Variants in LEKR1 observed in about 807,000 individuals in gnomAD.
LEKR1 encodes leucine, glutamate and lysine rich 1.
LEKR1 carries 59 observed loss-of-function variants against 72.4 expected under a neutral mutation model. The ratio of observed to expected loss-of-function variants is 0.82; its 90% CI spans 0.66 to 1.01. The LOEUF (loss-of-function observed/expected upper bound fraction) is 1.01. Among genes scored for constraint, LEKR1 ranks in the 50% least tolerant of loss-of-function variants. The pLI, the probability that LEKR1 is intolerant of heterozygous loss-of-function variation, is 0.00. For synonymous variants in LEKR1, 257 were observed against 263.2 expected (o/e 0.98, Z 0.23); for missense variants, 728 against 759.2 (o/e 0.96, Z 0.48).
At position 156,833,087 on chromosome 3, in the gene LEKR1, C is replaced by T. The variant is rs376839618; in HGVS notation, c.48+3710C>T. Among the ~76,000 whole-genome samples the T allele has an allele frequency of 2.4e-4, 37 of 152,236 alleles. No homozygotes were observed. The South Asian group carries it at 7.5e-3, about 31-fold the overall frequency. On this transcript the variant is annotated intron_variant, in intron 2 of 12. Transcript: ENST00000356539. The stretch of plus-strand genomic sequence containing the variant: ...TTCAATTGTTAAAAGCTATAAACAG[C>T]TCAAAAGGAAAGTTGTTATGTGTTT...
chr3:156,979,916 A>T (rs539561586), intron 7 of LEKR1: 1 of 152,362 alleles, frequency 6.6e-6, no homozygotes, highest in South Asian at 2.1e-4. Flanking sequence ...CGGGAGGCTG[A>T]ACTGGGAAGA....
At chr3:157,032,161 T>C (rs1004129213) in intron 12 of LEKR1, among the ~76,000 whole-genome samples, 1 of 152,160 alleles carries the variant, frequency 6.6e-6, no homozygotes, top group Non-Finnish European at 1.5e-5. Flanking sequence ...GGTCATGTGC[T>C]TCTTGATGCC....
At chr3:156,951,340 G>T (rs973398163) in intron 6 of LEKR1, among the ~76,000 whole-genome samples, 2 of 151,488 alleles carry the variant, frequency 1.3e-5, no homozygotes, top group African/African-American at 4.8e-5. Flanking sequence ...GTGTGTCTCT[G>T]CCAGGTCTTG....
At chr3:156,884,838 G>A (rs749010425) in intron 3 of LEKR1, among the ~76,000 whole-genome samples, 3 of 152,166 alleles carry the variant, frequency 2.0e-5, no homozygotes, top group Non-Finnish European at 4.4e-5. Flanking sequence ...TAGCAAGGCT[G>A]TGGAAGTTTT....
intron 3 of LEKR1, among the ~76,000 whole-genome samples, chr3:156,903,604 G>A (rs6792917): frequency 0.34 from 50,975 of 151,998 alleles, 11,183 homozygotes; most frequent in African/African-American, 0.62. Context: ...GGAAGGGCCT[G>A]TGTAGCTAGA....
chr3:156,888,433 C>A, intron 3 of LEKR1: 1 of 687,998 alleles, frequency 1.5e-6, no homozygotes, highest in African/African-American at 1.8e-5. Context: ...TTCTTAATAA[C>A]TTTGTTTTTG....
chr3:156,882,066 A>G (rs1473413683), intron 3 of LEKR1, among the ~76,000 whole-genome samples: 6 of 140,092 alleles, frequency 4.3e-5, no homozygotes, highest in Admixed American at 1.4e-4. Flanking sequence ...AAACCTAGGC[A>G]TTACCATTCA....
At chr3:156,869,402 G>A (rs559563069) in intron 3 of LEKR1, among the ~76,000 whole-genome samples, 1 of 152,050 alleles carries the variant, frequency 6.6e-6, no homozygotes, top group African/African-American at 2.4e-5. Flanking sequence ...GTTCTAACTG[G>A]GGTAAGATGA....
intron 6 of LEKR1, among the ~76,000 whole-genome samples, chr3:156,967,484 G>A (rs1180409804): frequency 6.6e-6 from 1 of 152,212 alleles, no homozygotes; most frequent in Admixed American, 6.5e-5. Context: ...GAATGCACAA[G>A]CCTCATTAGC....
chr3:156,850,613 G>A (rs1358522339), intron 2 of LEKR1, among the ~76,000 whole-genome samples: 1 of 152,192 alleles, frequency 6.6e-6, no homozygotes, highest in African/African-American at 2.4e-5. Flanking sequence ...TGTATCTTGT[G>A]CATGACATTT....
intron 3 of LEKR1, among the ~76,000 whole-genome samples, chr3:156,861,087 A>G (rs1322005146): frequency 6.6e-6 from 1 of 152,150 alleles, no homozygotes; most frequent in South Asian, 2.1e-4. Context: ...GCTTCCTGAA[A>G]CAATATCAGG....
In LEKR1 at chr3:157,045,816, C is replaced by T. The variant is rs1735717782; in HGVS notation, c.*66C>T. On this transcript the variant is annotated 3_prime_UTR_variant, in exon 13 of 13. Coordinates refer to ENST00000356539, the MANE Select transcript of LEKR1 (RefSeq NM_001004316.3). ...TCTTTCAGAGAGTGCCAGGAATTCA[C>T]TGTAACTGAGAATGACAATGATAAA... The T allele has an allele frequency of 7.5e-7, 1 of 1,325,548 alleles. No homozygotes were observed. The highest frequency in any genetic ancestry group is 1.3e-5 in the South Asian group (1 of 77,976). The allele number at this position is 1,325,548 out of a possible 1,614,324, so 82.1% of individuals were successfully genotyped here. A position where few individuals can be genotyped will look rare whatever the true frequency, so the allele number is the denominator to read the frequency against.
At chr3:156,888,316 A>C (rs1720309968) in intron 3 of LEKR1, 6 of 702,166 alleles carry the variant, frequency 8.5e-6, no homozygotes, top group Non-Finnish European at 2.6e-6. Flanking sequence ...CTTCAGACTC[A>C]TGCTTAGACT....
intron 3 of LEKR1, among the ~76,000 whole-genome samples, chr3:156,864,606 A>T (rs983572139): frequency 2.0e-5 from 3 of 152,036 alleles, no homozygotes; most frequent in Non-Finnish European, 4.4e-5. Context: ...TATATCCCTC[A>T]GTTCACTGTA....
chr3:156,847,325 G>T (rs527319592), intron 2 of LEKR1, among the ~76,000 whole-genome samples: 4 of 152,140 alleles, frequency 2.6e-5, no homozygotes, highest in South Asian at 4.2e-4. Flanking sequence ...TTTTCAAATG[G>T]TTCTACATTT....
intron 6 of LEKR1, among the ~76,000 whole-genome samples, chr3:156,963,294 A>T (rs1165670722): frequency 1.3e-5 from 2 of 152,202 alleles, no homozygotes; most frequent in African/African-American, 4.8e-5. Flanking sequence ...CTAAGCAGTG[A>T]ATAGAAAGGA....
intron 3 of LEKR1, among the ~76,000 whole-genome samples, chr3:156,864,818 C>G (rs544561647): frequency 6.6e-6 from 1 of 151,818 alleles, no homozygotes; most frequent in Non-Finnish European, 1.5e-5. Context: ...TTTCATGATA[C>G]CTATTGCTTT....
intron 6 of LEKR1, among the ~76,000 whole-genome samples, chr3:156,972,991 A>G (rs890324984): frequency 7.9e-5 from 12 of 152,086 alleles, no homozygotes; most frequent in African/African-American, 2.7e-4. Context: ...TAGGTGTTTA[A>G]TAAGTGTCTA....
chr3:156,938,142 AACACACAC>A (rs139273691), intron 5 of LEKR1, among the ~76,000 whole-genome samples: 3 of 149,608 alleles, frequency 2.0e-5, no homozygotes, highest in Non-Finnish European at 4.5e-5. Flanking sequence ...ATGGAACTGT[AACACACAC>A]ACACACACAC....
Sources: allele counts gnomAD v4.1 joint callset (sites outside exome capture counted in the v4.1 genomes callset), GRCh38; gene constraint gnomAD v4.1.1; transcripts MANE v1.5; gene names NCBI Gene and HGNC (gene_info 2026-07-23, HGNC 2026-07-21).